Variants in ZBBX observed in about 807,000 individuals in gnomAD.
The protein encoded by ZBBX is zinc finger B-box domain-containing protein 1.
In ZBBX, 101 loss-of-function variants were observed where a neutral mutation model predicts 108.5. That is an observed-to-expected ratio of 0.93 (90% CI 0.79 to 1.10). ZBBX has a LOEUF of 1.10. ZBBX is among the 50% of genes least tolerant of loss of function. ZBBX has a pLI of 0.00. For missense variants in ZBBX, 1,009 were observed against 941.4 expected (o/e 1.07, Z -0.94); for synonymous variants, 356 against 323.4 (o/e 1.10, Z -1.08).
intron 21 of ZBBX, 66 bp downstream of exon 21, chr3:167,242,439 C>G (rs1221695539): frequency 2.3e-6 from 3 of 1,316,390 alleles, no homozygotes; most frequent in African/African-American, 1.5e-5. Context: ...ATAAAGATAA[C>G]TAGTTGGAGC....
At chr3:167,210,462 G>A in the ZBBX span, among the ~76,000 whole-genome samples, 1 of 152,182 alleles carries the variant, frequency 6.6e-6, no homozygotes, top group Non-Finnish European at 1.5e-5. Flanking sequence ...TTACAGGGGA[G>A]CTAGAGAAAG....
At chr3:167,333,103 A>G (rs1434803610) in intron 10 of ZBBX, among the ~76,000 whole-genome samples, 1 of 152,056 alleles carries the variant, frequency 6.6e-6, no homozygotes, top group African/African-American at 2.4e-5. Context: ...CTACTAGCAT[A>G]GAACACATTT....
At chr3:167,201,142 G>A in the ZBBX span, among the ~76,000 whole-genome samples, 1 of 152,036 alleles carries the variant, frequency 6.6e-6, no homozygotes, top group Non-Finnish European at 1.5e-5. Context: ...TTAATGATTT[G>A]AAAAGTTTCC....
intron 1 of ZBBX, among the ~76,000 whole-genome samples, chr3:167,396,028 A>C (rs1464539041): frequency 6.6e-6 from 1 of 152,028 alleles, no homozygotes; most frequent in Non-Finnish European, 1.5e-5. Flanking sequence ...TTGAGGAAGA[A>C]GACAGTTGTC....
the ZBBX span, among the ~76,000 whole-genome samples, chr3:167,226,676 T>A: frequency 6.6e-6 from 1 of 151,712 alleles, no homozygotes; most frequent in Non-Finnish European, 1.5e-5. Context: ...CTCATCTGAT[T>A]ATCTTTTTCA....
chr3:167,380,572 T>C (rs542911228), upstream of ZBBX, among the ~76,000 whole-genome samples: 1 of 152,282 alleles, frequency 6.6e-6, no homozygotes, highest in Admixed American at 6.5e-5. Context: ...CATATTTGAT[T>C]CTTCCTCATA....
chr3:167,237,293 G>A (rs547503048), downstream of ZBBX, among the ~76,000 whole-genome samples: 4 of 151,906 alleles, frequency 2.6e-5, no homozygotes, highest in African/African-American at 9.6e-5. Flanking sequence ...AAAATTTAAT[G>A]TTAATTTGTC....
At chr3:167,304,820 GT>G (rs1258580834) in intron 17 of ZBBX, among the ~76,000 whole-genome samples, 3 of 151,920 alleles carry the variant, frequency 2.0e-5, no homozygotes, top group African/African-American at 4.8e-5. Context: ...AGGGGTCTAA[GT>G]TTTTGCAGAG....
chr3:167,364,433 T>C (rs537293785), intron 6 of ZBBX, among the ~76,000 whole-genome samples: 1 of 152,158 alleles, frequency 6.6e-6, no homozygotes, highest in African/African-American at 2.4e-5. Context: ...TACTTCGATT[T>C]TACTTCGCCA....
Position 167,240,658 on chromosome 3 carries a change from G to T in ZBBX, c.*135C>A. ...TGAACTTATAATTTTACTTTTATTA[G>T]TTTGTAGCCTTGAAACATCAAAGAC... On this transcript the variant is annotated 3_prime_UTR_variant, in exon 22 of 22. Transcript: ENST00000675490. 2 of 1,041,458 alleles carry T rather than the reference G, an allele frequency of 1.9e-6. No homozygotes were observed. The highest frequency in any genetic ancestry group is 2.7e-6 in the Non-Finnish European group (2 of 730,988). 64.5% of individuals were successfully genotyped at this position (1,041,458 alleles called of 1,614,324 possible).
the ZBBX span, among the ~76,000 whole-genome samples, chr3:167,192,337 T>G: frequency 1.3e-5 from 2 of 152,188 alleles, no homozygotes; most frequent in African/African-American, 4.8e-5. Context: ...TCAACTTTTG[T>G]TTGTCTAGGA....
At chr3:167,289,072 A>G in intron 18 of ZBBX, 89 bp from the exon 19 acceptor site, 1 of 660,806 alleles carries the variant, frequency 1.5e-6, no homozygotes, top group South Asian at 3.6e-5. Context: ...ACTGGACAAT[A>G]TTTAACTGAA....
At position 167,247,834 on chromosome 3, in the gene ZBBX, T is replaced by C. The variant is rs145278153; in HGVS notation, c.2255-5191A>G. The stretch of plus-strand genomic sequence containing the variant: ...AGTGTGAATGAATGTGAAACTGTCA[T>C]GTCTGCCTCTCTTCCAAAACCTCCC... On this transcript the variant is annotated intron_variant, in intron 20 of 21. Transcript: ENST00000675490. Among the ~76,000 whole-genome samples the C allele has an allele frequency of 2.2e-3, 331 of 152,270 alleles. 2 individuals are homozygous for C. Among genetic ancestry groups the C allele is most frequent in the African/African-American group, 7.5e-3 (311 of 41,556 alleles).
chr3:167,376,310 A>G (rs1746943252), intron 2 of ZBBX, among the ~76,000 whole-genome samples: 1 of 152,176 alleles, frequency 6.6e-6, no homozygotes, highest in Admixed American at 6.5e-5. Flanking sequence ...GCACCTTTCA[A>G]AAACCTCCAG....
chr3:167,377,537 G>A (rs1747155633), intron 2 of ZBBX, among the ~76,000 whole-genome samples: 1 of 152,026 alleles, frequency 6.6e-6, no homozygotes, highest in Admixed American at 6.6e-5. Flanking sequence ...AACATGTTTA[G>A]GCATTTAGTA....
At chr3:167,374,717 T>C (rs1002622172) in intron 2 of ZBBX, among the ~76,000 whole-genome samples, 3 of 151,920 alleles carry the variant, frequency 2.0e-5, no homozygotes, top group Non-Finnish European at 4.4e-5. Flanking sequence ...GGACCCTAAA[T>C]ATAAAAGCCA....
intron 20 of ZBBX, among the ~76,000 whole-genome samples, chr3:167,260,149 G>A (rs1019652153): frequency 2.6e-5 from 4 of 152,184 alleles, no homozygotes; most frequent in Non-Finnish European, 5.9e-5. Flanking sequence ...TGAGAAGGCT[G>A]AAGATAGGGC....
chr3:167,319,299 T>C (rs188677314), intron 12 of ZBBX, among the ~76,000 whole-genome samples: 5 of 152,142 alleles, frequency 3.3e-5, no homozygotes, highest in Admixed American at 6.6e-5. Context: ...ATTTCATTTA[T>C]ATGACCTCCA....
chr3:167,312,084 T>C (rs971499496), intron 16 of ZBBX, among the ~76,000 whole-genome samples: 2 of 152,144 alleles, frequency 1.3e-5, no homozygotes, highest in African/African-American at 4.8e-5. Context: ...ATTCATACAA[T>C]TGAATATTAT....
Sources: allele counts gnomAD v4.1 joint callset (sites outside exome capture counted in the v4.1 genomes callset), GRCh38; gene constraint gnomAD v4.1.1; transcripts MANE v1.5; gene names NCBI Gene and HGNC (gene_info 2026-07-23, HGNC 2026-07-21).